NR4A3: variants seen among roughly 807,000 people sequenced by gnomAD.
NR4A3 encodes chondrosarcoma, extraskeletal myxoid, fused to EWS.
In NR4A3, 13 loss-of-function variants were observed where a neutral mutation model predicts 55.6. That is an observed-to-expected ratio of 0.23 (90% CI 0.15 to 0.37). The LOEUF (loss-of-function observed/expected upper bound fraction) is 0.37, where lower values mean the gene tolerates loss of function less well. NR4A3 is among the 10% of genes least tolerant of loss of function. The probability of loss-of-function intolerance (pLI) is 1.00; values close to 1 mark genes in which losing one functional copy is unlikely to be tolerated. For missense variants in NR4A3, 646 were observed against 822.8 expected (o/e 0.79, Z 2.63); for synonymous variants, 342 against 357.9 (o/e 0.96, Z 0.50).
At chr9:99,838,259 A>T (rs1195584403) in intron 5 of NR4A3, among the ~76,000 whole-genome samples, 1 of 152,222 alleles carries the variant, frequency 6.6e-6, no homozygotes, top group Non-Finnish European at 1.5e-5. Flanking sequence ...TTTTCAGCAT[A>T]CTAGGATGTT....
chr9:99,835,350 C>T (rs887048309), intron 5 of NR4A3, among the ~76,000 whole-genome samples: 1 of 152,168 alleles, frequency 6.6e-6, no homozygotes, highest in Non-Finnish European at 1.5e-5. Flanking sequence ...GCAGCAGAGA[C>T]AGAATTAGGA....
intron 1 of NR4A3, among the ~76,000 whole-genome samples, chr9:99,823,420 G>A (rs1047281651): frequency 6.6e-6 from 1 of 151,972 alleles, no homozygotes; most frequent in African/African-American, 2.4e-5. Context: ...TTATTTATGC[G>A]TCCGGATTCT....
Position 99,823,080 on chromosome 9 carries a change from C to T in NR4A3, c.-177+673C>T, listed in dbSNP as rs574516929. On this transcript the variant is annotated intron_variant, in intron 1 of 7. Coordinates refer to ENST00000395097, the MANE Select transcript of NR4A3 (RefSeq NM_006981.4). ...CTGACATGCCGGTTTACACTTTTCC[C>T]TTAGGAGGTAAATCGGGTGTAATTG... Among the ~76,000 whole-genome samples, 151 of 152,302 alleles carry T rather than the reference C, an allele frequency of 9.9e-4. 5 individuals are homozygous for T. The South Asian group carries it at 0.03, about 30-fold the overall frequency.
At chr9:99,857,072 T>C (rs1049164626) in intron 7 of NR4A3, among the ~76,000 whole-genome samples, 1 of 152,192 alleles carries the variant, frequency 6.6e-6, no homozygotes, top group Non-Finnish European at 1.5e-5. Context: ...TCAAGAGCTA[T>C]TAAAATAATC....
At chr9:99,845,050 T>A (rs1827729576) in intron 6 of NR4A3, among the ~76,000 whole-genome samples, 1 of 152,208 alleles carries the variant, frequency 6.6e-6, no homozygotes, top group Non-Finnish European at 1.5e-5. Context: ...CCAGTTCTAA[T>A]GTGGACTTGC....
intron 6 of NR4A3, among the ~76,000 whole-genome samples, chr9:99,845,227 T>C (rs1208805618): frequency 6.6e-6 from 1 of 152,240 alleles, no homozygotes; most frequent in Non-Finnish European, 1.5e-5. Flanking sequence ...AGCAAGTGTT[T>C]GCTTTGGAAC....
In NR4A3 at chr9:99,844,717, G is replaced by A; in HGVS notation, c.1323G>A (p.Leu441=). 3.7e-6 allele frequency: 6 copies of A among 1,614,156 alleles called. No homozygotes were observed. Among genetic ancestry groups the A allele is most frequent in the Non-Finnish European group, 4.2e-6 (5 of 1,180,016 alleles). ...AEHVQQFYNL[L]TASIDVSRSW... is the part of the protein sequence containing the mutation. ...ATGTGCAACAATTCTACAACCTCCTGACAGCCTCCATTGATGTATCCAGAA... is the reference window on the plus strand; with the variant it reads ...ATGTGCAACAATTCTACAACCTCCTAACAGCCTCCATTGATGTATCCAGAA... The change falls in exon 6 of 8, where the codon CTG becomes CTA. Residue 441 remains leucine (L), a synonymous_variant. Coordinates refer to ENST00000395097, the MANE Select transcript of NR4A3 (RefSeq NM_006981.4).
chr9:99,835,603 G>A lies in NR4A3; in HGVS notation c.1254+2149G>A, dbSNP rs76833777. Among the ~76,000 whole-genome samples, 432 of 152,324 alleles carry A rather than the reference G, an allele frequency of 2.8e-3. 2 individuals are homozygous for A. The highest frequency in any genetic ancestry group is 9.8e-3 in the African/African-American group (408 of 41,566). ...TGACATTGCTCCAGGGCATTTGAAA[G>A]CACAATAGATGGTCAGTACAGATAA... On this transcript the variant is annotated intron_variant, in intron 5 of 7. Transcript: ENST00000395097.
At chr9:99,846,734 G>A (rs1191250363) in intron 6 of NR4A3, among the ~76,000 whole-genome samples, 3 of 152,088 alleles carry the variant, frequency 2.0e-5, no homozygotes, top group Non-Finnish European at 2.9e-5. Flanking sequence ...TGCAACCTCC[G>A]CCTCCCAGGT....
At chr9:99,824,671 G>A (rs886200877) in intron 1 of NR4A3, among the ~76,000 whole-genome samples, 1 of 152,220 alleles carries the variant, frequency 6.6e-6, no homozygotes, top group Admixed American at 6.5e-5. Context: ...TTTTGGTTTG[G>A]TTTGATTTGG....
intron 5 of NR4A3, chr9:99,833,979 A>G: frequency 8.8e-7 from 1 of 1,137,586 alleles, no homozygotes; most frequent in Non-Finnish European, 1.1e-6. Context: ...CACCTCTGCT[A>G]CTTCCTGCCT....
intron 5 of NR4A3, among the ~76,000 whole-genome samples, chr9:99,836,288 T>C (rs1477545344): frequency 6.6e-6 from 1 of 152,142 alleles, no homozygotes; most frequent in African/African-American, 2.4e-5. Context: ...TTTAAACAAA[T>C]GGGAGAGCCT....
chr9:99,846,325 T>G (rs1827753095), intron 6 of NR4A3, among the ~76,000 whole-genome samples: 1 of 152,224 alleles, frequency 6.6e-6, no homozygotes, highest in Non-Finnish European at 1.5e-5. Context: ...ATCCTTTCTT[T>G]TATTTAATTC....
intron 5 of NR4A3, among the ~76,000 whole-genome samples, chr9:99,836,656 AG>A (rs1231958454): frequency 6.6e-6 from 1 of 152,200 alleles, no homozygotes; most frequent in African/African-American, 2.4e-5. Flanking sequence ...TAGAGAGAGG[AG>A]GGGGGCCTCT....
rs1471926574 is a variant in NR4A3 at position 99,828,588 on chromosome 9, G to A, written c.546G>A (p.Thr182=). 1.0e-5 allele frequency: 16 copies of A among 1,557,620 alleles called. No homozygotes were observed. Among genetic ancestry groups the A allele is most frequent in the African/African-American group, 1.4e-5 (1 of 72,156 alleles). The change falls in exon 3 of 8, where the codon ACG becomes ACA. Residue 182 remains threonine, a synonymous_variant. Coordinates refer to ENST00000395097, the MANE Select transcript of NR4A3 (RefSeq NM_006981.4). The surrounding 1 kb of genome is among the most constrained non-coding windows in gnomAD (Gnocchi z 7.7). ...ACCCGCCGATGAAGGCGGTCCCCACGGTGGCCGGCGCGCGCTTCCCGCTCT... is the reference window on the plus strand; with the variant it reads ...ACCCGCCGATGAAGGCGGTCCCCACAGTGGCCGGCGCGCGCTTCCCGCTCT... ...LLDPPMKAVP[T]VAGARFPLFH...
At chr9:99,856,660 T>C (rs1827932986) in intron 7 of NR4A3, among the ~76,000 whole-genome samples, 1 of 152,240 alleles carries the variant, frequency 6.6e-6, no homozygotes, top group Non-Finnish European at 1.5e-5. Context: ...TTACAGAGAC[T>C]AGATGAACAC....
At chr9:99,849,533 G>A (rs1283356757) in intron 7 of NR4A3, among the ~76,000 whole-genome samples, 1 of 152,134 alleles carries the variant, frequency 6.6e-6, no homozygotes, top group Admixed American at 6.5e-5. Flanking sequence ...AGGACTGGAA[G>A]GAAACTGGTT....
intron 5 of NR4A3, among the ~76,000 whole-genome samples, chr9:99,839,811 G>A (rs1158125956): frequency 1.3e-5 from 2 of 152,136 alleles, no homozygotes; most frequent in African/African-American, 2.4e-5. Context: ...ACCTATGTTC[G>A]ATTGGCATGA....
chr9:99,840,158 C>T (rs907533529), intron 5 of NR4A3, among the ~76,000 whole-genome samples: 11 of 152,346 alleles, frequency 7.2e-5, no homozygotes, highest in African/African-American at 2.4e-4. Flanking sequence ...TGGACCAAAA[C>T]CACTGCAGGT....
Sources: gnomAD v4.1 joint callset for allele counts (sites outside exome capture counted in the v4.1 genomes callset) on GRCh38, gnomAD v4.1.1 for gene constraint, Gnocchi (gnomAD v3.1) non-coding constraint, MANE v1.5 for transcripts, NCBI Gene and HGNC (gene_info 2026-07-23, HGNC 2026-07-21) for gene names.